The following GC variants were observed in gnomAD, a reference collection of about 807,000 sequenced individuals.
GC encodes vitamin D-binding protein.
In GC, 43 loss-of-function variants were observed where a neutral mutation model predicts 56.7. That is an observed-to-expected ratio of 0.76 (90% CI 0.59 to 0.98). The LOEUF (loss-of-function observed/expected upper bound fraction) is 0.98. Among genes scored for constraint, GC ranks in the 50% least tolerant of loss-of-function variants. The pLI is 0.00. For missense variants in GC, 529 were observed against 545.9 expected, an observed-to-expected ratio of 0.97 and a Z score of 0.31; for synonymous variants, 216 against 202.7, an observed-to-expected ratio of 1.07 and a Z score of -0.56.
At chr4:71,771,630 T>C (rs1283354105) in intron 1 of GC, among the ~76,000 whole-genome samples, 1 of 152,072 alleles carries the variant, frequency 6.6e-6, no homozygotes, top group Non-Finnish European at 1.5e-5. Context: ...GACAAGGCAG[T>C]AGAGTTGATA....
intron 12 of GC, among the ~76,000 whole-genome samples, chr4:71,743,859 TGGAAGGGATATGTGAATAATTTTA>T (rs1471634038): frequency 6.6e-6 from 1 of 152,082 alleles, no homozygotes; most frequent in Non-Finnish European, 1.5e-5. Flanking sequence ...CCAAAATCCA[TGGAAGGGATATGTGAATAATTTTA>T]GGAAGGAATA....
intron 1 of GC, among the ~76,000 whole-genome samples, chr4:71,799,221 A>G (rs1743188745): frequency 6.6e-6 from 1 of 152,214 alleles, no homozygotes; most frequent in Non-Finnish European, 1.5e-5. Flanking sequence ...ACACTTGGTA[A>G]GAAAAGTAAA....
At chr4:71,782,244 G>A (rs1742705098) in intron 1 of GC, among the ~76,000 whole-genome samples, 1 of 151,680 alleles carries the variant, frequency 6.6e-6, no homozygotes, top group African/African-American at 2.4e-5. Flanking sequence ...ACAATACAAG[G>A]CTACTCAGAA....
At chr4:71,762,940 T>G (rs550072011) in intron 6 of GC, among the ~76,000 whole-genome samples, 173 of 152,272 alleles carry the variant, frequency 1.1e-3, no homozygotes, top group African/African-American at 3.9e-3. Context: ...GGTAGATAAC[T>G]AATGAGAATA....
chr4:71,763,621 G>GCTT lies in GC; in HGVS notation c.607-120_607-119insAAG, dbSNP rs1742057500. 22 of 760,058 alleles carry GCTT rather than the reference G, an allele frequency of 2.9e-5. No individual in the cohort carries two copies. In the South Asian group the frequency reaches 3.5e-4, roughly 12 times the overall value. 47.1% of individuals were successfully genotyped at this position (760,058 alleles called of 1,614,324 possible). On this transcript the variant is annotated intron_variant, in intron 5 of 12. Transcript: ENST00000273951. ...TTAATGAATAGGAAACTGAACACTG[G>GCTT]TGAAAGGAACTTATTGATATTACTT...
chr4:71,751,876 A>AT (rs1560691045), intron 11 of GC, among the ~76,000 whole-genome samples: 1 of 152,172 alleles, frequency 6.6e-6, no homozygotes, highest in African/African-American at 2.4e-5. Context: ...CTTTAAAATC[A>AT]TTTTTTAGTT....
Position 71,752,625 on chromosome 4 carries a change from A to AT in GC, c.1287dup (p.Leu430IlefsTer3). 6.2e-7 allele frequency: 1 copy of AT among 1,613,372 alleles called. No homozygotes were observed. The highest frequency in any genetic ancestry group is 1.1e-5 in the South Asian group (1 of 91,036). ...AGTTCCGTGGGTGTGGCATCAGGCA[A>AT]TTTTGCTTTTAGTCGCTCTGCCAGT... On this transcript the variant is annotated frameshift_variant, in exon 11 of 13. Transcript: ENST00000273951. LOFTEE classifies it high-confidence loss of function.
intron 1 of GC, among the ~76,000 whole-genome samples, chr4:71,800,318 G>T (rs1743219141): frequency 6.6e-6 from 1 of 152,050 alleles, no homozygotes; most frequent in Non-Finnish European, 1.5e-5. Flanking sequence ...ACTTATGAGT[G>T]AGAACATGCA....
intron 5 of GC, 62 bp from the exon 6 acceptor site, chr4:71,763,564 G>T (rs931848148): frequency 1.1e-6 from 1 of 942,038 alleles, no homozygotes; most frequent in African/African-American, 1.7e-5. Context: ...TGTATAAATG[G>T]CAAAAATAGG....
intron 1 of GC, among the ~76,000 whole-genome samples, chr4:71,782,880 G>A (rs148918037): frequency 1.3e-5 from 2 of 151,872 alleles, no homozygotes; most frequent in Non-Finnish European, 2.9e-5. Context: ...CACAATTTAT[G>A]TTGCTTTTTT....
chr4:71,762,803 CT>C (rs1304559578), intron 6 of GC, among the ~76,000 whole-genome samples: 1 of 152,186 alleles, frequency 6.6e-6, no homozygotes, highest in African/African-American at 2.4e-5. Context: ...TCCTCCTTGC[CT>C]TCCACCATGA....
At chr4:71,792,186 T>A (rs1227385039) in intron 1 of GC, among the ~76,000 whole-genome samples, 1 of 152,222 alleles carries the variant, frequency 6.6e-6, no homozygotes, top group Non-Finnish European at 1.5e-5. Flanking sequence ...TACCCAGTAA[T>A]GGGATGGCTG....
Position 71,752,556 on chromosome 4 carries a change from A to G in GC, c.1357T>C (p.Cys453Arg), listed in dbSNP as rs774902869. 8.1e-6 allele frequency: 13 copies of G among 1,613,504 alleles called. No homozygotes were observed. The South Asian group carries it at 1.4e-4, about 18-fold the overall frequency. The change falls in exon 11 of 13, where the codon TGT becomes CGT. Residue 453 changes from cysteine to arginine, a missense_variant. Transcript: ENST00000273951. The stretch of plus-strand genomic sequence containing the variant: ...TAAAGAGGAGGTGAGTTTATGGAAC[A>G]GCAGTTGGAGGCAAAGTCTGAGTGC... ...NKHSDFASNC[C>R]SINSPPLYCD...
intron 8 of GC, among the ~76,000 whole-genome samples, chr4:71,755,529 A>T (rs1741740703): frequency 6.6e-6 from 1 of 152,200 alleles, no homozygotes; most frequent in Non-Finnish European, 1.5e-5. Flanking sequence ...TTAATTAAAA[A>T]GAAGAGATTT....
intron 3 of GC, among the ~76,000 whole-genome samples, chr4:71,766,071 C>A (rs1742147111): frequency 6.6e-6 from 1 of 152,142 alleles, no homozygotes; most frequent in Admixed American, 6.6e-5. Flanking sequence ...AGGAGGACCT[C>A]CCTCTGTTTA....
chr4:71,786,015 A>C (rs1052474900), upstream of GC: 1 of 151,818 alleles, frequency 6.6e-6, no homozygotes, highest in African/African-American at 2.4e-5. Flanking sequence ...TTTGATACAG[A>C]GTTTAAGACC....
chr4:71,791,698 G>A (rs1398578903), intron 1 of GC, among the ~76,000 whole-genome samples: 1 of 151,604 alleles, frequency 6.6e-6, no homozygotes, highest in Non-Finnish European at 1.5e-5. Context: ...TTCAGTTCTA[G>A]GGTACATGTG....
At chr4:71,794,812 G>T (rs901020901) in intron 1 of GC, among the ~76,000 whole-genome samples, 14 of 151,876 alleles carry the variant, frequency 9.2e-5, no homozygotes, top group African/African-American at 3.4e-4. Flanking sequence ...TAAATTTCCC[G>T]CTACATACTG....
At chr4:71,770,465 G>C (rs554120090) in intron 1 of GC, among the ~76,000 whole-genome samples, 8 of 152,124 alleles carry the variant, frequency 5.3e-5, no homozygotes, top group Non-Finnish European at 1.2e-4. Context: ...GAATAACAAG[G>C]GAGAGAGATC....
Sources: allele counts gnomAD v4.1 joint callset (sites outside exome capture counted in the v4.1 genomes callset), GRCh38; gene constraint gnomAD v4.1.1; transcripts MANE v1.5; gene names NCBI Gene and HGNC (gene_info 2026-07-23, HGNC 2026-07-21).